CADM2: variants seen among roughly 807,000 people sequenced by gnomAD.
The protein encoded by CADM2 is cell adhesion molecule 2.
CADM2 carries 12 observed loss-of-function variants against 49.8 expected under a neutral mutation model. The ratio of observed to expected loss-of-function variants is 0.24; its 90% CI spans 0.15 to 0.39. CADM2 has a LOEUF of 0.39. Among genes scored for constraint, CADM2 ranks in the 10% least tolerant of loss-of-function variants. The pLI, the probability that CADM2 is intolerant of heterozygous loss-of-function variation, is 1.00. For synonymous variants in CADM2, 214 were observed against 175.4 expected, an observed-to-expected ratio of 1.22 and a Z score of -1.74; for missense variants, 378 against 492.3, an observed-to-expected ratio of 0.77 and a Z score of 2.20.
chr3:85,530,942 G>A (rs2061296158), intron 1 of CADM2, among the ~76,000 whole-genome samples: 1 of 150,866 alleles, frequency 6.6e-6, no homozygotes, highest in Admixed American at 6.6e-5. Flanking sequence ...ATGTCAGGGG[G>A]TTCCTTAATA....
At chr3:85,003,958 A>G (rs917601723) in intron 1 of CADM2, among the ~76,000 whole-genome samples, 1 of 152,166 alleles carries the variant, frequency 6.6e-6, no homozygotes, top group Admixed American at 6.6e-5. Flanking sequence ...CTTCAAAATT[A>G]TAAAAATAGA....
At chr3:84,998,308 A>T (rs1559609106) in intron 1 of CADM2, among the ~76,000 whole-genome samples, 1 of 152,122 alleles carries the variant, frequency 6.6e-6, no homozygotes, top group Non-Finnish European at 1.5e-5. Flanking sequence ...ATTTTAAACC[A>T]CTAGTTTAAA....
chr3:85,259,524 C>T (rs1166141920), intron 1 of CADM2, among the ~76,000 whole-genome samples: 2 of 152,094 alleles, frequency 1.3e-5, no homozygotes, highest in East Asian at 1.9e-4. Flanking sequence ...GGAAATGATG[C>T]CTTCAGTAGT....
intron 6 of CADM2, among the ~76,000 whole-genome samples, chr3:85,922,709 T>C (rs544044757): frequency 6.6e-6 from 1 of 152,316 alleles, no homozygotes; most frequent in Admixed American, 6.5e-5. Flanking sequence ...AGAAACACTT[T>C]GATGGCTCAT....
intron 1 of CADM2, among the ~76,000 whole-genome samples, chr3:85,579,896 C>T (rs1258417526): frequency 6.6e-6 from 1 of 152,020 alleles, no homozygotes; most frequent in Non-Finnish European, 1.5e-5. Context: ...TGTGTGTACA[C>T]ATTAATGTGT....
intron 1 of CADM2, among the ~76,000 whole-genome samples, chr3:85,644,652 T>C (rs754505512): frequency 6.6e-6 from 1 of 152,148 alleles, no homozygotes; most frequent in Non-Finnish European, 1.5e-5. Context: ...GATTTCACTC[T>C]CATGGAATGA....
chr3:85,094,189 A>G (rs544123884), intron 1 of CADM2, among the ~76,000 whole-genome samples: 1 of 152,314 alleles, frequency 6.6e-6, no homozygotes, highest in South Asian at 2.1e-4. Context: ...CAGTTACAAT[A>G]GGAAACAAAC....
chr3:85,643,252 C>T (rs1258427100), intron 1 of CADM2, among the ~76,000 whole-genome samples: 1 of 152,072 alleles, frequency 6.6e-6, no homozygotes, highest in Non-Finnish European at 1.5e-5. Flanking sequence ...AACTGGCTTG[C>T]TTTATTTTTC....
intron 1 of CADM2, among the ~76,000 whole-genome samples, chr3:85,515,300 A>G (rs1030240403): frequency 4.6e-5 from 7 of 152,166 alleles, no homozygotes; most frequent in African/African-American, 1.7e-4. Context: ...GTTAACAAAG[A>G]TAACATCGCC....
chr3:85,382,808 GAAGA>G (rs1310479641), intron 1 of CADM2, among the ~76,000 whole-genome samples: 1 of 152,084 alleles, frequency 6.6e-6, no homozygotes, highest in Admixed American at 6.6e-5. Flanking sequence ...AAAAGAAAAT[GAAGA>G]AATAGTGAAT....
chr3:85,807,499 C>CAAAAAAAAAAAA (rs60644652), intron 3 of CADM2, among the ~76,000 whole-genome samples: 2 of 82,242 alleles, frequency 2.4e-5, no homozygotes, highest in Non-Finnish European at 5.7e-5. Flanking sequence ...AACTCCGTCT[C>CAAAAAAAAAAAA]AAAAAAAAAA....
At chr3:85,116,700 C>G (rs72905254) in intron 1 of CADM2, among the ~76,000 whole-genome samples, 15,880 of 151,798 alleles carry the variant, frequency 0.1, 1,759 homozygotes, top group African/African-American at 0.28. Context: ...ACTTATCAGC[C>G]GTTTAATGTG....
chr3:86,019,384 C>A (rs1186487614), intron 8 of CADM2, among the ~76,000 whole-genome samples: 1 of 139,268 alleles, frequency 7.2e-6, no homozygotes. Flanking sequence ...TCCATATGAA[C>A]TTTAAAGTAG....
intron 1 of CADM2, among the ~76,000 whole-genome samples, chr3:85,498,613 C>G (rs767500676): frequency 6.6e-6 from 1 of 152,084 alleles, no homozygotes; most frequent in East Asian, 1.9e-4. Flanking sequence ...ATGTAAGACC[C>G]TTTACATCTA....
At chr3:85,031,600 C>T (rs1028060305) in intron 1 of CADM2, among the ~76,000 whole-genome samples, 6 of 152,042 alleles carry the variant, frequency 3.9e-5, no homozygotes, top group Non-Finnish European at 5.9e-5. Context: ...CTGCAAGCTC[C>T]GCCTCCCGGG....
At chr3:85,896,504 A>C (rs75961160) in intron 5 of CADM2, among the ~76,000 whole-genome samples, 1 of 152,188 alleles carries the variant, frequency 6.6e-6, no homozygotes, top group African/African-American at 2.4e-5. Context: ...ACTTATCTCC[A>C]CATGCGTTCC....
At chr3:85,945,057 A>G (rs1722481042) in intron 7 of CADM2, among the ~76,000 whole-genome samples, 1 of 152,092 alleles carries the variant, frequency 6.6e-6, no homozygotes, top group Non-Finnish European at 1.5e-5. Flanking sequence ...GAAAAGTGAG[A>G]AGAATCAAAT....
intron 1 of CADM2, among the ~76,000 whole-genome samples, chr3:85,101,173 A>G (rs1339827067): frequency 1.3e-5 from 2 of 151,968 alleles, no homozygotes; most frequent in Non-Finnish European, 2.9e-5. Context: ...AGAATTGCTT[A>G]AACAAAGGAG....
chr3:85,298,162 G>T (rs1254705245), intron 1 of CADM2, among the ~76,000 whole-genome samples: 1 of 152,084 alleles, frequency 6.6e-6, no homozygotes, highest in Non-Finnish European at 1.5e-5. Flanking sequence ...GAGAGAGGAA[G>T]AGGCTTCAGC....
Sources: allele counts gnomAD v4.1 joint callset (sites outside exome capture counted in the v4.1 genomes callset), GRCh38; gene constraint gnomAD v4.1.1; transcripts MANE v1.5; gene names NCBI Gene and HGNC (gene_info 2026-07-23, HGNC 2026-07-21).